Variants in SSH1 observed in about 807,000 individuals in gnomAD.
SSH1 encodes the protein slingshot protein phosphatase 1.
Under a neutral mutation model 79.7 loss-of-function variants are expected in SSH1, and 43 were observed. The observed-to-expected ratio is 0.54, with a 90% CI of 0.42 to 0.70. SSH1 has a LOEUF of 0.70. Among genes scored for constraint, SSH1 ranks in the 30% least tolerant of loss-of-function variants. The probability of loss-of-function intolerance (pLI) is 0.00; values close to 1 mark genes in which losing one functional copy is unlikely to be tolerated. For missense variants in SSH1, 1,206 were observed against 1,358.8 expected (o/e 0.89, Z 1.77); for synonymous variants, 599 against 538.3 (o/e 1.11, Z -1.56).
Position 108,784,040 on chromosome 12 carries a change from T to C in SSH1, c.*3948A>G, listed in dbSNP as rs1300392510. ...AATGAGAAGAGTTTTGGGCAAAATG[T>C]ATTCTGGCACCAACAATTTCCCACC... On this transcript the variant is annotated 3_prime_UTR_variant, in exon 15 of 15. Transcript: ENST00000326495. 6.6e-6 allele frequency: 1 copy of C among 152,204 alleles called. No homozygotes were observed. Among genetic ancestry groups the C allele is most frequent in the Non-Finnish European group, 1.5e-5 (1 of 68,046 alleles). The allele number at this position is 152,204 out of a possible 1,614,324, so 9.4% of individuals were successfully genotyped here. A position where few individuals can be genotyped will look rare whatever the true frequency, so the allele number is the denominator to read the frequency against.
rs2036133377 is a variant in SSH1, at chr12:108,780,233, G to C, written c.*7755C>G. On this transcript the variant is annotated 3_prime_UTR_variant, in exon 15 of 15. Transcript: ENST00000326495. ...GCCTCTCCCGAACATCTTGCCAAGAGGGGGTTCCCCAGGCATAAACACAAA... is the reference window on the plus strand; with the variant it reads ...GCCTCTCCCGAACATCTTGCCAAGACGGGGTTCCCCAGGCATAAACACAAA... 6.6e-6 allele frequency: 1 copy of C among 152,188 alleles called. No homozygotes were observed. The highest frequency in any genetic ancestry group is 1.5e-5 in the Non-Finnish European group (1 of 68,052). 9.4% of individuals were successfully genotyped at this position (152,188 alleles called of 1,614,324 possible).
intron 2 of SSH1, among the ~76,000 whole-genome samples, chr12:108,833,012 G>A (rs777535585): frequency 4.6e-5 from 7 of 152,164 alleles, no homozygotes; most frequent in Non-Finnish European, 7.3e-5. Context: ...GCTAGAAGGC[G>A]TAGGCTTCTC....
chr12:108,839,980 G>A (rs2038736393), intron 2 of SSH1, among the ~76,000 whole-genome samples: 1 of 152,204 alleles, frequency 6.6e-6, no homozygotes, highest in Non-Finnish European at 1.5e-5. Flanking sequence ...TGGGCCCAGG[G>A]TCAGACATGC....
At chr12:108,832,595 G>A (rs766949186) in intron 2 of SSH1, among the ~76,000 whole-genome samples, 1 of 152,204 alleles carries the variant, frequency 6.6e-6, no homozygotes, top group Non-Finnish European at 1.5e-5. Flanking sequence ...ATGTAAAGGA[G>A]ATCGAAAATT....
At chr12:108,816,159 G>A (rs530283892) in intron 5 of SSH1, among the ~76,000 whole-genome samples, 34 of 152,168 alleles carry the variant, frequency 2.2e-4, no homozygotes, top group African/African-American at 8.2e-4. Flanking sequence ...ACCCCCTCCT[G>A]TGGTCTCACA....
chr12:108,807,830 G>A lies in SSH1; in HGVS notation c.537-3C>T, dbSNP rs2037363678. 1.9e-6 allele frequency: 3 copies of A among 1,613,660 alleles called. No individual in the cohort carries two copies. The highest frequency in any genetic ancestry group is 1.7e-5 in the Admixed American group (1 of 60,030). On this transcript the variant is annotated splice_region_variant and splice_polypyrimidine_tract_variant and intron_variant, in intron 7 of 14. Transcript: ENST00000326495. The surrounding 1 kb of genome is among the most constrained non-coding windows in gnomAD (Gnocchi z 5.2). ...TGTGAAGCACCTGCAGGGCAGACCT[G>A]GGGCGAGGAGAAGACAGGGTCAGGC...
In SSH1 at chr12:108,854,659, G is replaced by C. The variant is rs577829339; in HGVS notation, c.70-1981C>G. ...GAGTGATGACGTGACTTGGGGGTAC[G>C]GACTTCACAATCATTTAACTCTCGG... On this transcript the variant is annotated intron_variant, in intron 1 of 14. Transcript: ENST00000326495. 1.1e-4 allele frequency among the ~76,000 whole-genome samples: 16 copies of C among 152,248 alleles called. No homozygotes were observed. The East Asian group carries it at 2.9e-3, about 28-fold the overall frequency.
chr12:108,827,015 A>AT (rs2137208766), intron 2 of SSH1, among the ~76,000 whole-genome samples: 1 of 152,072 alleles, frequency 6.6e-6, no homozygotes, highest in African/African-American at 2.4e-5. Context: ...AAAAAAAAAA[A>AT]AGCCGCTGCC....
At chr12:108,799,791 G>A (rs1180154464) in intron 12 of SSH1, among the ~76,000 whole-genome samples, 2 of 152,248 alleles carry the variant, frequency 1.3e-5, no homozygotes, top group Admixed American at 6.5e-5. Context: ...TTATTTGTAA[G>A]GAGGCAGTGC....
rs1444487476 is a variant in SSH1 at position 108,788,173 on chromosome 12, T to C, written c.2965A>G (p.Thr989Ala). The change falls in exon 15 of 15, where the codon ACG becomes GCG. Residue 989 changes from threonine (T) to alanine (A), a missense_variant. This residue lies in a region of SSH1 where 709 missense variants were observed against 730.6 expected (regional missense o/e 0.97). Coordinates refer to ENST00000326495, the MANE Select transcript of SSH1 (RefSeq NM_018984.4). ...LAKLGSLTFS[T>A]EDLSSEADPS... is the part of the protein sequence containing the mutation. ...TCAGCCTCACTGGACAGGTCTTCCGTTGAGAAGGTGAGACTCCCCAGCTTG... is the reference window on the plus strand; with the variant it reads ...TCAGCCTCACTGGACAGGTCTTCCGCTGAGAAGGTGAGACTCCCCAGCTTG... The C allele has an allele frequency of 6.2e-7, 1 of 1,614,014 alleles. No individual in the cohort carries two copies. Among genetic ancestry groups the C allele is most frequent in the East Asian group, 2.2e-5 (1 of 44,846 alleles).
intron 5 of SSH1, among the ~76,000 whole-genome samples, chr12:108,816,259 T>G (rs1465448174): frequency 6.6e-6 from 1 of 152,234 alleles, no homozygotes; most frequent in Non-Finnish European, 1.5e-5. Context: ...GGCCAAGAAC[T>G]GTGTGTACTG....
At position 108,788,408 on chromosome 12, in the gene SSH1, A is replaced by G. The variant is rs1267763827; in HGVS notation, c.2730T>C (p.Ser910=). The G allele has an allele frequency of 6.2e-7, 1 of 1,608,992 alleles. No individual in the cohort carries two copies. Among genetic ancestry groups the G allele is most frequent in the South Asian group, 1.1e-5 (1 of 90,238 alleles). Residue 910 remains serine, a synonymous_variant, in exon 15 of 15, where the codon AGT becomes AGC. Coordinates refer to ENST00000326495, the MANE Select transcript of SSH1 (RefSeq NM_018984.4). The part of the protein sequence containing the change: ...PFFYRLDHTS[S]FSKDFLKTIC... ...TGGTCTTCAGAAAGTCTTTTGAGAA[A>G]CTACTGGTGTGGTCCAGGCGGTAGA...
At position 108,788,203 on chromosome 12, in the gene SSH1, G is replaced by T; in HGVS notation, c.2935C>A (p.Leu979Ile). Residue 979 changes from leucine to isoleucine, a missense_variant, in exon 15 of 15, where the codon CTT becomes ATT. By Grantham distance (5) the Leu-to-Ile change is conservative. Around this residue, in one of 5 missense-constraint regions of SSH1, gnomAD observed 709 missense variants for 730.6 expected, o/e 0.97. Transcript: ENST00000326495. The part of the protein sequence containing the change: ...VSSPLKRSHS[L>I]AKLGSLTFST... ...AAGGTGAGACTCCCCAGCTTGGCAA[G>T]AGAGTGTGAGCGCTTCAGTGGGGAA... 1 of 1,614,112 alleles carries T rather than the reference G, an allele frequency of 6.2e-7. No homozygotes were observed. The highest frequency in any genetic ancestry group is 1.6e-4 in the Middle Eastern group (1 of 6,062).
intron 2 of SSH1, chr12:108,827,298 G>A: frequency 6.4e-7 from 1 of 1,551,392 alleles, no homozygotes; most frequent in Non-Finnish European, 8.7e-7. Flanking sequence ...AGCAGAAGCA[G>A]TGGGTTGGCT....
chr12:108,799,005 A>G lies in SSH1; in HGVS notation c.1344T>C (p.Asp448=), dbSNP rs142218912. 1.3e-4 allele frequency: 210 copies of G among 1,612,904 alleles called. 1 individual carries two copies. The African/African-American group carries it at 2.5e-3, about 19-fold the overall frequency. Residue 448 remains aspartate (D), a synonymous_variant, in exon 13 of 15, where the codon GAT becomes GAC. Transcript: ENST00000326495. ...RQLSEYEGIL[D]ASKQRHNKLW... is the part of the protein sequence containing the mutation. ...CTCTCCAGGCAGGCACCCACCTTGC[A>G]TCCAAGATGCCTTCATACTCAGACA...
At chr12:108,852,140 A>T (rs111846317) in intron 2 of SSH1, among the ~76,000 whole-genome samples, 1 of 152,046 alleles carries the variant, frequency 6.6e-6, no homozygotes, top group Non-Finnish European at 1.5e-5. Context: ...GCGTTATATA[A>T]TATTATTAAA....
Position 108,788,525 on chromosome 12 carries a change from C to T in SSH1, c.2613G>A (p.Leu871=). ...DPAALHELGP[L]VMPSQAGSDE... ...CACTCCCGGCCTGGCTGGGCATAAC[C>T]AGGGGGCCCAGCTCGTGGAGCGCGG... The change falls in exon 15 of 15, where the codon CTG becomes CTA. Residue 871 remains leucine, a synonymous_variant. Transcript: ENST00000326495. 1 of 1,563,800 alleles carries T rather than the reference C, an allele frequency of 6.4e-7. No individual in the cohort carries two copies.
At chr12:108,803,094 T>C (rs2137048450) in intron 10 of SSH1, among the ~76,000 whole-genome samples, 1 of 152,192 alleles carries the variant, frequency 6.6e-6, no homozygotes, top group Middle Eastern at 3.4e-3. Flanking sequence ...TATATAAACA[T>C]AAACAGTATG....
chr12:108,852,835 G>A (rs980280150), intron 1 of SSH1, 157 bp from the exon 2 acceptor site: 14 of 985,212 alleles, frequency 1.4e-5, no homozygotes, highest in East Asian at 1.1e-4. Context: ...CACCAATCCC[G>A]GTCTGTCCCT....
Sources: allele counts gnomAD v4.1 joint callset (sites outside exome capture counted in the v4.1 genomes callset), GRCh38; gene constraint gnomAD v4.1.1; regional missense constraint gnomAD v4.1.1; non-coding constraint Gnocchi (gnomAD v3.1); transcripts MANE v1.5; gene names NCBI Gene and HGNC (gene_info 2026-07-23, HGNC 2026-07-21).